The following BEST1 variants were observed in gnomAD, a reference collection of about 807,000 sequenced individuals.
The protein encoded by BEST1 is bestrophin-1.
In BEST1, 58 loss-of-function variants were observed where a neutral mutation model predicts 63.3. That is an observed-to-expected ratio of 0.92 (90% CI 0.74 to 1.14). The LOEUF (loss-of-function observed/expected upper bound fraction) is 1.14. BEST1 is among the 50% of genes most tolerant of loss of function. The pLI is 0.00. For synonymous variants in BEST1, 283 were observed against 291.6 expected (o/e 0.97, Z 0.30); for missense variants, 671 against 740.1 (o/e 0.91, Z 1.08).
chr11:61,950,966 T>C (rs61516066), intron 1 of BEST1, among the ~76,000 whole-genome samples: 276 of 152,256 alleles, frequency 1.8e-3, no homozygotes, highest in African/African-American at 6.4e-3. Flanking sequence ...GGAAAGGCCC[T>C]GGAGCCACCA....
chr11:61,965,120 A>G (rs368857190), downstream of BEST1: 15 of 1,603,446 alleles, frequency 9.4e-6, no homozygotes, highest in African/African-American at 2.0e-4. Flanking sequence ...TTTCTGAATG[A>G]GAATAGGTTA....
chr11:61,962,904 C>T lies in BEST1; in HGVS notation c.1739+11C>T, dbSNP rs1184148823. On this transcript the variant is annotated intron_variant, in intron 10 of 10. Transcript: ENST00000378043. ...GGCCTTGGAAAACAGGTCTGTCCTC[C>T]ACCTGAACCAGGGGCACTGCATTGC... 1.2e-6 allele frequency: 2 copies of T among 1,614,098 alleles called. No homozygotes were observed. The highest frequency in any genetic ancestry group is 1.7e-6 in the Non-Finnish European group (2 of 1,179,934).
intron 7 of BEST1, chr11:61,959,079 T>C (rs779081831): frequency 3.3e-6 from 1 of 299,572 alleles, no homozygotes; most frequent in South Asian, 3.2e-5. Context: ...TGTCACCTCT[T>C]CGGGGCTTTG....
downstream of BEST1, chr11:61,965,220 T>C (rs1255776189): frequency 3.3e-5 from 53 of 1,592,156 alleles, no homozygotes; most frequent in Non-Finnish European, 4.4e-5. Flanking sequence ...ATTTGCCTAA[T>C]TTAGTTTAGA....
chr11:61,957,469 G>A lies in BEST1; in HGVS notation c.714+5G>A, dbSNP rs1363664159. ...ATCCCACTGGTGTATACACAGGTGA[G>A]GACTAGGCTGGTGAGGCTGCCCTTT... On this transcript the variant is annotated splice_donor_5th_base_variant and intron_variant, in intron 6 of 10. Transcript: ENST00000378043. 1.9e-6 allele frequency: 3 copies of A among 1,613,834 alleles called. No individual in the cohort carries two copies. The highest frequency in any genetic ancestry group is 2.5e-6 in the Non-Finnish European group (3 of 1,179,740).
rs764196815 is a variant in BEST1 at position 61,956,998 on chromosome 11, C to T, written c.636C>T (p.Asn212=). The change falls in exon 5 of 11, where the codon AAC becomes AAT. Residue 212 remains asparagine, a splice_region_variant and synonymous_variant. Transcript: ENST00000378043. ...CTATCCTGCTCCAGAGCCTGCTGAA[C>T]GTGAGCCCACTGTACAGACAGGGCT... ...RDPILLQSLL[N]EMNTLRTQCG... 1.9e-6 allele frequency: 3 copies of T among 1,614,080 alleles called. No homozygotes were observed. Among genetic ancestry groups the T allele is most frequent in the Non-Finnish European group, 2.5e-6 (3 of 1,180,014 alleles).
chr11:61,959,812 T>G, intron 8 of BEST1, 80 bp from the exon 9 acceptor site: 3 of 1,574,684 alleles, frequency 1.9e-6, no homozygotes, highest in Non-Finnish European at 2.6e-6. Context: ...GAGGGAGAGA[T>G]TCCTCCAAGT....
chr11:61,954,907 G>A, intron 2 of BEST1, 200 bp from the exon 3 acceptor site: 2 of 985,416 alleles, frequency 2.0e-6, no homozygotes, highest in Non-Finnish European at 2.4e-6. Flanking sequence ...ACTGGAGGGG[G>A]CCTCCTCCTG....
chr11:61,952,301 AAAAGAG>A (rs1940763573), intron 2 of BEST1, among the ~76,000 whole-genome samples: 1 of 61,000 alleles, frequency 1.6e-5, no homozygotes, highest in South Asian at 1.2e-3. Context: ...AGTACATTAA[AAAAGAG>A]AGAGAGAGAG....
chr11:61,955,613 C>A, intron 3 of BEST1, 105 bp from the exon 4 acceptor site: 1 of 1,316,986 alleles, frequency 7.6e-7, no homozygotes, highest in Non-Finnish European at 1.1e-6. Flanking sequence ...GCTAGGCCCG[C>A]TCGCAGCAGA....
At chr11:61,956,486 C>A (rs370452286) in intron 4 of BEST1, among the ~76,000 whole-genome samples, 3 of 152,052 alleles carry the variant, frequency 2.0e-5, no homozygotes, top group African/African-American at 7.2e-5. Context: ...ACCCCCATCT[C>A]TACAAAAACA....
intron 2 of BEST1, among the ~76,000 whole-genome samples, chr11:61,953,867 C>T (rs1192336878): frequency 1.3e-5 from 2 of 151,590 alleles, no homozygotes; most frequent in African/African-American, 4.9e-5. Context: ...GCCTGGGTAA[C>T]AGAGCAAGAC....
chr11:61,956,710 G>C, intron 4 of BEST1, 134 bp from the exon 5 acceptor site: 3 of 1,036,058 alleles, frequency 2.9e-6, no homozygotes, highest in Non-Finnish European at 4.5e-6. Context: ...GCACCTAGTA[G>C]GTGCTCAGAA....
chr11:61,955,430 G>A, intron 3 of BEST1: 1 of 1,411,578 alleles, frequency 7.1e-7, no homozygotes, highest in Non-Finnish European at 9.3e-7. Context: ...CATTTTCTGA[G>A]GGAAGCGCTG....
Position 61,956,891 on chromosome 11 carries a change from C to A in BEST1, c.529C>A (p.Pro177Thr). 1 of 1,614,146 alleles carries A rather than the reference C, an allele frequency of 6.2e-7. No individual in the cohort carries two copies. Among genetic ancestry groups the A allele is most frequent in the Non-Finnish European group, 8.5e-7 (1 of 1,180,026 alleles). ...CAAGCAGTTGGAGAAACTGAGCCTA[C>A]CACACAACATGTTCTGGGTGCCCTG... ...EHKQLEKLSL[P>T]HNMFWVPWVW... The change falls in exon 5 of 11, where the codon CCA becomes ACA. Residue 177 changes from proline to threonine, a missense_variant. By Grantham distance (38) the Pro-to-Thr change is conservative. Transcript: ENST00000378043.
chr11:61,965,187 G>T, downstream of BEST1: 1 of 1,600,016 alleles, frequency 6.2e-7, no homozygotes, highest in Non-Finnish European at 8.5e-7. Context: ...TAACCACCAC[G>T]TTTTGGCAAA....
chr11:61,954,204 CTT>C (rs1428932833), intron 2 of BEST1, among the ~76,000 whole-genome samples: 1 of 152,118 alleles, frequency 6.6e-6, no homozygotes, highest in Non-Finnish European at 1.5e-5. Context: ...TCATGTGTCT[CTT>C]TGCTCCTCCC....
intron 9 of BEST1, chr11:61,961,340 T>G (rs1942045710): frequency 6.6e-6 from 1 of 152,228 alleles, no homozygotes; most frequent in South Asian, 2.1e-4. Flanking sequence ...GAACCAAATA[T>G]CCTACTAGAC....
intron 3 of BEST1, 163 bp downstream of exon 3, chr11:61,955,364 A>G: frequency 6.7e-7 from 1 of 1,489,980 alleles, no homozygotes; most frequent in Non-Finnish European, 8.9e-7. Flanking sequence ...GACTGCAGCC[A>G]GTGAAACTGA....
Sources: gnomAD v4.1 joint callset for allele counts (sites outside exome capture counted in the v4.1 genomes callset) on GRCh38, gnomAD v4.1.1 for gene constraint, MANE v1.5 for transcripts, NCBI Gene and HGNC (gene_info 2026-07-23, HGNC 2026-07-21) for gene names.